The following KIF13A variants were observed in gnomAD, a reference collection of about 807,000 sequenced individuals.
KIF13A encodes kinesin-like protein KIF13A.
KIF13A carries 79 observed loss-of-function variants against 212.2 expected under a neutral mutation model. That is an observed-to-expected ratio of 0.37 (90% CI 0.31 to 0.45). The LOEUF (loss-of-function observed/expected upper bound fraction) is 0.45. Among genes scored for constraint, KIF13A ranks in the 20% least tolerant of loss-of-function variants. The pLI is 1.00. For missense variants in KIF13A, 1,901 were observed against 2,209.0 expected (o/e 0.86, Z 2.79); for synonymous variants, 789 against 808.6 (o/e 0.98, Z 0.41).
At position 17,826,107 on chromosome 6, in the gene KIF13A, G is replaced by T. The variant is rs368788633; in HGVS notation, c.1550C>A (p.Thr517Asn). 6.2e-7 allele frequency: 1 copy of T among 1,613,958 alleles called. No homozygotes were observed. Among genetic ancestry groups the T allele is most frequent in the African/African-American group, 1.3e-5 (1 of 75,028 alleles). Residue 517 changes from threonine to asparagine, a missense_variant, in exon 15 of 39, where the codon ACC (threonine) becomes AAC (asparagine). By Grantham distance (65) the Thr-to-Asn change is moderately conservative. Transcript: ENST00000259711. This position sits in a 1 kb window ranked among gnomAD's most constrained non-coding sequence, Gnocchi z 4.7. ...KENARSCVNG[T>N]LVCSTTQLWH... is the part of the protein sequence containing the mutation. ...CAGCTGGGTGGTACTGCACACAAGGGTGCCGTTCACACAGGACCTGGGAGA... is the reference window on the plus strand; with the variant it reads ...CAGCTGGGTGGTACTGCACACAAGGTTGCCGTTCACACAGGACCTGGGAGA...
chr6:17,928,853 T>C (rs1775716930), intron 2 of KIF13A, among the ~76,000 whole-genome samples: 1 of 151,980 alleles, frequency 6.6e-6, no homozygotes, highest in African/African-American at 2.4e-5. Flanking sequence ...TTTGGTCACA[T>C]GAATCATTTA....
intron 2 of KIF13A, among the ~76,000 whole-genome samples, chr6:17,943,688 A>AT (rs1027687822): frequency 5.3e-5 from 8 of 152,126 alleles, no homozygotes; most frequent in East Asian, 1.9e-4. Flanking sequence ...CAGAAAGCAC[A>AT]TTTTTTCTGT....
chr6:17,879,622 C>A (rs76295687), intron 3 of KIF13A, among the ~76,000 whole-genome samples: 1 of 152,126 alleles, frequency 6.6e-6, no homozygotes, highest in Admixed American at 6.5e-5. Context: ...GTAGTCTGCA[C>A]AGAAATTAGA....
chr6:17,876,960 T>C (rs115400767), intron 3 of KIF13A, among the ~76,000 whole-genome samples: 1,840 of 152,286 alleles, frequency 0.012, 37 homozygotes, highest in African/African-American at 0.042. Flanking sequence ...TCTCCACTTG[T>C]AGACTAAGTT....
intron 2 of KIF13A, among the ~76,000 whole-genome samples, chr6:17,932,344 T>C (rs1431635811): frequency 6.6e-6 from 1 of 152,212 alleles, no homozygotes; most frequent in Non-Finnish European, 1.5e-5. Flanking sequence ...AAATGCTTCA[T>C]AGAACTAATG....
At chr6:17,779,517 C>T (rs1343068931) in intron 32 of KIF13A, 75 bp downstream of exon 32, 2 of 617,682 alleles carry the variant, frequency 3.2e-6, no homozygotes, top group African/African-American at 3.9e-5. Context: ...GGTGATCCAC[C>T]CGCCTCGGCC....
chr6:17,800,188 T>C, intron 20 of KIF13A, 75 bp from the exon 21 acceptor site: 1 of 1,408,868 alleles, frequency 7.1e-7, no homozygotes, highest in South Asian at 1.4e-5. Context: ...CAGACGTGCC[T>C]TCTACAGTGA....
intron 4 of KIF13A, among the ~76,000 whole-genome samples, chr6:17,863,288 T>C (rs1490784497): frequency 1.3e-5 from 2 of 151,798 alleles, no homozygotes; most frequent in Non-Finnish European, 2.9e-5. Flanking sequence ...TGTGTGTGCA[T>C]GGACATGATG....
chr6:17,869,200 T>C (rs919895455), intron 4 of KIF13A, among the ~76,000 whole-genome samples: 1 of 152,024 alleles, frequency 6.6e-6, no homozygotes, highest in African/African-American at 2.4e-5. Flanking sequence ...TTCCAGGCTG[T>C]ATCTCCTCCT....
chr6:17,974,525 C>G (rs187668948), intron 2 of KIF13A, among the ~76,000 whole-genome samples: 1 of 152,270 alleles, frequency 6.6e-6, no homozygotes, highest in South Asian at 2.1e-4. Flanking sequence ...AGCAAAGACA[C>G]GTCATATGTA....
At chr6:17,844,174 G>T (rs932581475) in intron 9 of KIF13A, among the ~76,000 whole-genome samples, 4 of 152,140 alleles carry the variant, frequency 2.6e-5, no homozygotes, top group African/African-American at 9.6e-5. Flanking sequence ...AAATGGAAAA[G>T]AATATGGATG....
downstream of KIF13A, among the ~76,000 whole-genome samples, chr6:17,762,057 T>A (rs570728175): frequency 2.4e-4 from 36 of 152,186 alleles, no homozygotes; most frequent in African/African-American, 6.7e-4. Flanking sequence ...TTGAATTTTT[T>A]AAAAATTTTA....
chr6:17,927,138 C>CAA (rs71002286), intron 2 of KIF13A, among the ~76,000 whole-genome samples: 2 of 143,890 alleles, frequency 1.4e-5, no homozygotes, highest in African/African-American at 2.6e-5. Context: ...GACTCTGTCT[C>CAA]AAAAAAAAAA....
At chr6:17,882,029 T>C (rs1441712405) in intron 3 of KIF13A, 2 of 456,830 alleles carry the variant, frequency 4.4e-6, no homozygotes, top group Admixed American at 4.7e-5. Flanking sequence ...ATCTTCTATG[T>C]TCCCTGCAGA....
chr6:17,917,494 G>C (rs1336938652), intron 2 of KIF13A, among the ~76,000 whole-genome samples: 1 of 152,056 alleles, frequency 6.6e-6, no homozygotes, highest in Admixed American at 6.6e-5. Flanking sequence ...ACCTGACTCA[G>C]CCTCCCCAAG....
At position 17,849,235 on chromosome 6, in the gene KIF13A, G is replaced by A. The variant is rs1012562790; in HGVS notation, c.830+142C>T. ...TCATACATCTTAACAGACACAGGTT[G>A]TTGTTGTTTTTCTTCAGCCCAGTTT... On this transcript the variant is annotated intron_variant, in intron 9 of 38. Coordinates refer to ENST00000259711, the MANE Select transcript of KIF13A (RefSeq NM_022113.6). This position sits in a 1 kb window ranked among gnomAD's most constrained non-coding sequence, Gnocchi z 5.7. The A allele has an allele frequency of 1.2e-5, 7 of 593,990 alleles. No homozygotes were observed. Among genetic ancestry groups the A allele is most frequent in the Non-Finnish European group, 2.1e-5 (7 of 337,956 alleles). The allele number at this position is 593,990 out of a possible 1,614,324, so 36.8% of individuals were successfully genotyped here. A position where few individuals can be genotyped will look rare whatever the true frequency, so the allele number is the denominator to read the frequency against.
In KIF13A at chr6:17,987,380, G is replaced by T; in HGVS notation, c.55+29C>A. ...GTTGCCCCCGCCCTCAGCCCGAGCA[G>T]AAATAAAAAAGAGCGGAAAGCTCCT... is the stretch of plus-strand genomic sequence containing the variant. On this transcript the variant is annotated intron_variant, in intron 1 of 38. Coordinates refer to ENST00000259711, the MANE Select transcript of KIF13A (RefSeq NM_022113.6). This position sits in a 1 kb window ranked among gnomAD's most constrained non-coding sequence, Gnocchi z 7.7. The T allele has an allele frequency of 7.4e-7, 1 of 1,345,090 alleles. No individual in the cohort carries two copies. Among genetic ancestry groups the T allele is most frequent in the Non-Finnish European group, 9.8e-7 (1 of 1,018,522 alleles). The allele number at this position is 1,345,090 out of a possible 1,614,324, so 83.3% of individuals were successfully genotyped here.
chr6:17,946,357 C>T (rs1777395968), intron 2 of KIF13A, among the ~76,000 whole-genome samples: 1 of 151,800 alleles, frequency 6.6e-6, no homozygotes, highest in Admixed American at 6.6e-5. Flanking sequence ...AAAACAGAAT[C>T]CACAAACTGG....
intron 4 of KIF13A, among the ~76,000 whole-genome samples, chr6:17,868,608 C>CA (rs1001537960): frequency 1.1e-4 from 16 of 142,970 alleles, no homozygotes; most frequent in South Asian, 4.4e-4. Context: ...CTTTTTGAAG[C>CA]AAAAAAAAAA....
Sources: gnomAD v4.1 joint callset for allele counts (sites outside exome capture counted in the v4.1 genomes callset) on GRCh38, gnomAD v4.1.1 for gene constraint, Gnocchi (gnomAD v3.1) non-coding constraint, MANE v1.5 for transcripts, NCBI Gene and HGNC (gene_info 2026-07-23, HGNC 2026-07-21) for gene names.